Variants in FBXO40 observed in about 807,000 individuals in gnomAD.
FBXO40 encodes F-box only protein 40.
FBXO40 carries 50 observed loss-of-function variants against 49.9 expected under a neutral mutation model. The observed-to-expected ratio is 1.00, with a 90% CI of 0.80 to 1.27. The LOEUF is 1.27. Ranked by LOEUF, FBXO40 falls within the 50% of genes most tolerant of loss-of-function variation. The probability of loss-of-function intolerance (pLI) is 0.00; values close to 1 mark genes in which losing one functional copy is unlikely to be tolerated. For synonymous variants in FBXO40, 340 were observed against 320.2 expected (o/e 1.06, Z -0.66); for missense variants, 895 against 870.1 (o/e 1.03, Z -0.36).
Position 121,621,698 on chromosome 3 carries a change from C to G in FBXO40, c.269C>G (p.Ala90Gly). Residue 90 changes from alanine (A) to glycine (G), a missense_variant, in exon 3 of 4, where the codon GCC becomes GGC. Physicochemically the swap from Ala to Gly is moderately conservative, Grantham distance 60. Transcript: ENST00000338040. ...GCCAAGCACCTGCAGGTGTGCCCCG[C>G]CAGCGTGGTCTGCTGCTCCATGGAG... Reference protein sequence around the residue: ...KLAKHLQVCPASVVCCSMEWN... With the variant: ...KLAKHLQVCPGSVVCCSMEWN... 6.2e-7 allele frequency: 1 copy of G among 1,614,220 alleles called. No homozygotes were observed. The highest frequency in any genetic ancestry group is 8.5e-7 in the Non-Finnish European group (1 of 1,180,010).
At chr3:121,626,649 G>T (rs370247703) in intron 3 of FBXO40, 46 bp from the exon 4 acceptor site, 7 of 1,567,766 alleles carry the variant, frequency 4.5e-6, no homozygotes, top group East Asian at 4.5e-5. Context: ...CCAGCCAGAG[G>T]GTAACACCCC....
intron 1 of FBXO40, among the ~76,000 whole-genome samples, chr3:121,594,601 C>G (rs753177669): frequency 4.6e-5 from 7 of 152,218 alleles, no homozygotes; most frequent in African/African-American, 7.2e-5. Flanking sequence ...AAAATTTCGT[C>G]TGCTGTGTCA....
intron 3 of FBXO40, among the ~76,000 whole-genome samples, chr3:121,624,864 T>C (rs1189577018): frequency 6.6e-6 from 1 of 152,148 alleles, no homozygotes; most frequent in Non-Finnish European, 1.5e-5. Flanking sequence ...CTCTCGTGTC[T>C]GTAAATCATT....
intron 1 of FBXO40, among the ~76,000 whole-genome samples, chr3:121,602,074 C>G: frequency 6.6e-6 from 1 of 152,218 alleles, no homozygotes; most frequent in East Asian, 1.9e-4. Flanking sequence ...TTGTTCTTAA[C>G]TTTGCAGTAT....
At chr3:121,619,916 AG>A (rs1461349578) in intron 1 of FBXO40, among the ~76,000 whole-genome samples, 25 of 152,232 alleles carry the variant, frequency 1.6e-4, no homozygotes, top group African/African-American at 6.0e-4. Flanking sequence ...TCAATTAACC[AG>A]GGCTGAGAAA....
intron 1 of FBXO40, among the ~76,000 whole-genome samples, chr3:121,613,855 G>A (rs1486989244): frequency 1.3e-5 from 2 of 152,346 alleles, no homozygotes; most frequent in Admixed American, 1.3e-4. Flanking sequence ...TTTGGTGGCC[G>A]GGCATTGTGG....
intron 1 of FBXO40, among the ~76,000 whole-genome samples, chr3:121,610,469 T>G (rs1273210604): frequency 1.3e-5 from 2 of 152,138 alleles, no homozygotes; most frequent in Non-Finnish European, 2.9e-5. Context: ...GTTAGTATAT[T>G]TCCTCAAGGC....
intron 1 of FBXO40, among the ~76,000 whole-genome samples, chr3:121,604,173 T>C (rs2048918724): frequency 6.6e-6 from 1 of 152,190 alleles, no homozygotes; most frequent in South Asian, 2.1e-4. Flanking sequence ...TCATTGATGT[T>C]AACTCTGCCT....
chr3:121,615,675 G>A (rs1444597235), intron 1 of FBXO40, among the ~76,000 whole-genome samples: 1 of 152,076 alleles, frequency 6.6e-6, no homozygotes, highest in African/African-American at 2.4e-5. Context: ...AGCTGTCAGT[G>A]TTATTGAACA....
chr3:121,593,740 C>A (rs898288000), intron 1 of FBXO40, among the ~76,000 whole-genome samples: 1 of 152,058 alleles, frequency 6.6e-6, no homozygotes, highest in Non-Finnish European at 1.5e-5. Flanking sequence ...TAGGTTCTTT[C>A]TTCTATAATC....
chr3:121,606,792 T>C (rs914691019), intron 1 of FBXO40, among the ~76,000 whole-genome samples: 11 of 152,280 alleles, frequency 7.2e-5, no homozygotes, highest in African/African-American at 2.4e-4. Context: ...GAGTCCTCTT[T>C]AGCCTATGAT....
Position 121,622,451 on chromosome 3 carries a change from C to T in FBXO40, c.1022C>T (p.Ala341Val). Reference sequence around the variant, plus strand: ...GACTTTGTTTATGGCAAGCTGGAGGCTCAGGAAGTTAAGACTGTTTACACC... The same window carrying T: ...GACTTTGTTTATGGCAAGCTGGAGGTTCAGGAAGTTAAGACTGTTTACACC... ...ERDFVYGKLE[A>V]QEVKTVYTFK... Residue 341 changes from alanine (A) to valine (V), a missense_variant, in exon 3 of 4, where the codon GCT (alanine) becomes GTT (valine). Coordinates refer to ENST00000338040, the MANE Select transcript of FBXO40 (RefSeq NM_016298.4). 6.2e-7 allele frequency: 1 copy of T among 1,614,210 alleles called. No individual in the cohort carries two copies. Among genetic ancestry groups the T allele is most frequent in the Non-Finnish European group, 8.5e-7 (1 of 1,180,040 alleles).
intron 1 of FBXO40, among the ~76,000 whole-genome samples, chr3:121,596,615 C>T (rs1393717873): frequency 2.0e-5 from 3 of 152,172 alleles, no homozygotes; most frequent in Admixed American, 2.0e-4. Context: ...ATCCAGATTT[C>T]GGATTCTGTG....
Position 121,613,948 on chromosome 3 carries a change from C to G in FBXO40, c.-30-6598C>G, listed in dbSNP as rs554370633. Among the ~76,000 whole-genome samples, 17 of 151,998 alleles carry G rather than the reference C, an allele frequency of 1.1e-4. No individual in the cohort carries two copies. In the South Asian group the frequency reaches 1.2e-3, roughly 11 times the overall value. ...AGGAGTTCGAGACCAGCCTGGCCAA[C>G]ATGGTGAAACACTGTCTTTACTAAA... is the stretch of plus-strand genomic sequence containing the variant. On this transcript the variant is annotated intron_variant, in intron 1 of 3. Coordinates refer to ENST00000338040, the MANE Select transcript of FBXO40 (RefSeq NM_016298.4).
chr3:121,611,686 G>A (rs1029449540), intron 1 of FBXO40, among the ~76,000 whole-genome samples: 3 of 152,162 alleles, frequency 2.0e-5, no homozygotes, highest in Admixed American at 1.3e-4. Context: ...GACCCTTTAC[G>A]GGTGTCAGGC....
At chr3:121,606,586 T>A (rs1395374862) in intron 1 of FBXO40, among the ~76,000 whole-genome samples, 1 of 152,210 alleles carries the variant, frequency 6.6e-6, no homozygotes, top group Non-Finnish European at 1.5e-5. Flanking sequence ...TTTGCACTTG[T>A]CCTAGATTGA....
chr3:121,613,567 A>G (rs932101567), intron 1 of FBXO40, among the ~76,000 whole-genome samples: 1 of 152,224 alleles, frequency 6.6e-6, no homozygotes, highest in Non-Finnish European at 1.5e-5. Context: ...GAAAACTGTT[A>G]AGAAAAAGTC....
In FBXO40 at chr3:121,599,559, T is replaced by C. The variant is rs552928168; in HGVS notation, c.-31+6057T>C. 4.6e-5 allele frequency among the ~76,000 whole-genome samples: 7 copies of C among 151,022 alleles called. No individual in the cohort carries two copies. In the South Asian group the frequency reaches 1.5e-3, roughly 32 times the overall value. ...CCATACTCTGTCTCAGGCATAGATT[T>C]TTGTCAACCTTTTCACAGTGAAGAA... On this transcript the variant is annotated intron_variant, in intron 1 of 3. Transcript: ENST00000338040.
In FBXO40 at chr3:121,621,661, C is replaced by A; in HGVS notation, c.232C>A (p.Arg78Ser). The A allele has an allele frequency of 1.2e-5, 19 of 1,614,228 alleles. No individual in the cohort carries two copies. The highest frequency in any genetic ancestry group is 7.6e-6 in the Non-Finnish European group (9 of 1,180,028). ...SEYGCPLSMS[R>S]HKLAKHLQVC... ...ATATGGCTGCCCTCTGTCCATGTCC[C>A]GCCACAAACTGGCCAAGCACCTGCA... is the stretch of plus-strand genomic sequence containing the variant. Residue 78 changes from arginine to serine, a missense_variant, in exon 3 of 4, where the codon CGC becomes AGC. Coordinates refer to ENST00000338040, the MANE Select transcript of FBXO40 (RefSeq NM_016298.4).
Sources: allele counts gnomAD v4.1 joint callset (sites outside exome capture counted in the v4.1 genomes callset), GRCh38; gene constraint gnomAD v4.1.1; transcripts MANE v1.5; gene names NCBI Gene and HGNC (gene_info 2026-07-23, HGNC 2026-07-21).